Variants in RNF19A observed in about 807,000 individuals in gnomAD.
RNF19A encodes the protein E3 ubiquitin-protein ligase RNF19A.
RNF19A carries 32 observed loss-of-function variants against 75.7 expected under a neutral mutation model. The observed-to-expected ratio is 0.42, with a 90% confidence interval of 0.32 to 0.57. The LOEUF is 0.57. RNF19A is among the 20% of genes least tolerant of loss of function. RNF19A has a pLI of 0.10. For missense variants in RNF19A, 782 were observed against 1,036.3 expected (o/e 0.75, Z 3.37); for synonymous variants, 335 against 345.2 (o/e 0.97, Z 0.33).
chr8:100,270,072 A>G (rs1443159560), intron 3 of RNF19A, 59 bp from the exon 4 acceptor site: 3 of 1,377,102 alleles, frequency 2.2e-6, no homozygotes, highest in South Asian at 1.9e-5. Flanking sequence ...AATAACTTCT[A>G]GCAGTTTACC....
At chr8:100,316,140 C>T (rs771346642) in intron 1 of RNF19A, among the ~76,000 whole-genome samples, 2 of 151,818 alleles carry the variant, frequency 1.3e-5, no homozygotes, top group African/African-American at 2.4e-5. Context: ...TGCAGACCTT[C>T]GCGGTGAGTG....
upstream of RNF19A, among the ~76,000 whole-genome samples, chr8:100,311,097 T>C (rs1049107026): frequency 6.6e-6 from 1 of 152,234 alleles, no homozygotes; most frequent in Non-Finnish European, 1.5e-5. Flanking sequence ...AGTCCTTGTT[T>C]AGTGTGTCTG....
chr8:100,281,155 G>A (rs1163759173), intron 2 of RNF19A, among the ~76,000 whole-genome samples: 1 of 152,088 alleles, frequency 6.6e-6, no homozygotes, highest in Non-Finnish European at 1.5e-5. Context: ...TCTAGGTACT[G>A]TACTTGAAAT....
chr8:100,328,521 G>T (rs1320786463), intron 1 of RNF19A, among the ~76,000 whole-genome samples: 1 of 151,762 alleles, frequency 6.6e-6, no homozygotes, highest in Non-Finnish European at 1.5e-5. Context: ...ACCTAGGCTG[G>T]AGTGCAGTGG....
Position 100,275,151 on chromosome 8 carries a change from T to C in RNF19A, c.685A>G (p.Ile229Val). Reference protein sequence around the residue: ...CPAPDCGYAVIAFGCASCPKL... With the variant: ...CPAPDCGYAVVAFGCASCPKL... ...GGACAGCTGGCACATCCAAATGCTA[T>C]CACAGCATATCTTGAAAGAACAAGA... is the stretch of plus-strand genomic sequence containing the variant. The change falls in exon 3 of 10, where the codon ATA becomes GTA. Residue 229 changes from isoleucine to valine, a missense_variant. Physicochemically the swap from Ile to Val is conservative, Grantham distance 29. Transcript: ENST00000341084. The surrounding 1 kb of genome is among the most constrained non-coding windows in gnomAD (Gnocchi z 4.3). 6.2e-7 allele frequency: 1 copy of C among 1,613,798 alleles called. No homozygotes were observed. The highest frequency in any genetic ancestry group is 8.5e-7 in the Non-Finnish European group (1 of 1,179,744).
At chr8:100,297,402 T>C (rs1375027207) in intron 1 of RNF19A, among the ~76,000 whole-genome samples, 1 of 152,232 alleles carries the variant, frequency 6.6e-6, no homozygotes, top group East Asian at 1.9e-4. Flanking sequence ...GAAAATACTA[T>C]TGTGGCAGAG....
chr8:100,307,717 C>T (rs201783484), intron 1 of RNF19A, among the ~76,000 whole-genome samples: 1 of 152,058 alleles, frequency 6.6e-6, no homozygotes, highest in East Asian at 1.9e-4. Flanking sequence ...AGAGGTGACC[C>T]AAGTGTCTTA....
intron 1 of RNF19A, among the ~76,000 whole-genome samples, chr8:100,300,809 G>A (rs1017910233): frequency 6.6e-6 from 1 of 152,118 alleles, no homozygotes; most frequent in Admixed American, 6.5e-5. Flanking sequence ...ATTTGAAAAA[G>A]CAGCCATCAA....
chr8:100,327,270 G>C (rs1335293518), intron 1 of RNF19A, among the ~76,000 whole-genome samples: 1 of 7,922 alleles, frequency 1.3e-4, no homozygotes, highest in Admixed American at 9.5e-4. Context: ...TTTTTTTTTT[G>C]AGACAGAGTC....
rs1458642381 is a variant in RNF19A at position 100,316,420 on chromosome 8, C to T, written c.-242-3048G>A. 2.0e-5 allele frequency among the ~76,000 whole-genome samples: 3 copies of T among 152,166 alleles called. No homozygotes were observed. In the East Asian group the frequency reaches 5.8e-4, roughly 29 times the overall value. ...CTTATCTGGCCCCACCCACATCCTG[C>T]TGATTGGTAGAGCCAAGTGGTCTGT... is the stretch of plus-strand genomic sequence containing the variant. On this transcript the variant is annotated intron_variant, in intron 1 of 3. Coordinates refer to the RNF19A transcript ENST00000519527.
At chr8:100,316,069 G>T (rs1308950474) in intron 1 of RNF19A, among the ~76,000 whole-genome samples, 1 of 152,094 alleles carries the variant, frequency 6.6e-6, no homozygotes, top group Non-Finnish European at 1.5e-5. Flanking sequence ...CTGATGGTCA[G>T]ATGTGTTCGG....
At chr8:100,304,914 A>C (rs1822003920) in intron 1 of RNF19A, among the ~76,000 whole-genome samples, 1 of 152,206 alleles carries the variant, frequency 6.6e-6, no homozygotes, top group Admixed American at 6.5e-5. Flanking sequence ...ATACTAATCC[A>C]ATGAAAAAGA....
chr8:100,288,366 C>T (rs1190009492), intron 1 of RNF19A, 99 bp from the exon 2 acceptor site: 4 of 784,016 alleles, frequency 5.1e-6, no homozygotes, highest in Non-Finnish European at 5.2e-6. Flanking sequence ...GTTTCTTAAC[C>T]ATTAGTAGTA....
At chr8:100,316,502 C>T (rs1822377673) in intron 1 of RNF19A, among the ~76,000 whole-genome samples, 1 of 152,128 alleles carries the variant, frequency 6.6e-6, no homozygotes, top group Non-Finnish European at 1.5e-5. Context: ...TAAAGGTTCT[C>T]CATGTCCCCA....
intron 1 of RNF19A, among the ~76,000 whole-genome samples, chr8:100,304,505 C>T (rs533028447): frequency 2.0e-5 from 3 of 152,290 alleles, no homozygotes; most frequent in African/African-American, 2.4e-5. Context: ...CCCACTTACG[C>T]ACTCACATTA....
At chr8:100,296,498 G>GA (rs1339413969) in intron 1 of RNF19A, among the ~76,000 whole-genome samples, 1 of 151,994 alleles carries the variant, frequency 6.6e-6, no homozygotes, top group African/African-American at 2.4e-5. Context: ...CACATTTTTA[G>GA]AAAAAAATAA....
intron 1 of RNF19A, among the ~76,000 whole-genome samples, chr8:100,293,736 G>C (rs1405057821): frequency 1.3e-5 from 2 of 152,070 alleles, no homozygotes; most frequent in African/African-American, 4.8e-5. Context: ...CTAATTATTT[G>C]TATGTCAGTT....
chr8:100,336,071 A>T (rs1469774452), intron 1 of RNF19A: 1 of 152,288 alleles, frequency 6.6e-6, no homozygotes, highest in Non-Finnish European at 1.5e-5. Context: ...AGTCCATGGG[A>T]TAGAACAAGC....
At chr8:100,314,345 T>C (rs1822343414), upstream of RNF19A, among the ~76,000 whole-genome samples, 9 of 152,170 alleles carry the variant, frequency 5.9e-5, no homozygotes. The surrounding 1 kb of genome is among the most constrained non-coding windows in gnomAD (Gnocchi z 4.1). Flanking sequence ...TAGTTTATCA[T>C]CAAGAATCCC....
Sources: gnomAD v4.1 joint callset for allele counts (sites outside exome capture counted in the v4.1 genomes callset) on GRCh38, gnomAD v4.1.1 for gene constraint, Gnocchi (gnomAD v3.1) non-coding constraint, MANE v1.5 for transcripts, NCBI Gene and HGNC (gene_info 2026-07-23, HGNC 2026-07-21) for gene names.